CORO7: variants seen among roughly 807,000 people sequenced by gnomAD.
CORO7 encodes coronin 7.
CORO7 carries 107 observed loss-of-function variants against 126.6 expected under a neutral mutation model. The ratio of observed to expected loss-of-function variants is 0.85; its 90% CI spans 0.72 to 0.99. The LOEUF (loss-of-function observed/expected upper bound fraction) is 0.99. Ranked by LOEUF, CORO7 falls within the 50% of genes least tolerant of loss-of-function variation. The probability of loss-of-function intolerance (pLI) is 0.00; values close to 1 mark genes in which losing one functional copy is unlikely to be tolerated. For missense variants in CORO7, 1,314 were observed against 1,255.8 expected (o/e 1.05, Z -0.70); for synonymous variants, 603 against 536.8 (o/e 1.12, Z -1.70).
intron 1 of CORO7, 95 bp from the exon 2 acceptor site, chr16:4,413,499 T>A: frequency 8.5e-7 from 1 of 1,173,342 alleles, no homozygotes. Flanking sequence ...TGGGGAACTC[T>A]AGCTCACAGC....
intron 1 of CORO7, among the ~76,000 whole-genome samples, chr16:4,415,065 G>C (rs537635590): frequency 6.6e-6 from 1 of 151,934 alleles, no homozygotes; most frequent in East Asian, 1.9e-4. Flanking sequence ...GAGGGGTTTC[G>C]CAATGTTGCC....
chr16:4,387,940 C>T, intron 9 of CORO7, 46 bp downstream of exon 9: 1 of 1,607,930 alleles, frequency 6.2e-7, no homozygotes, highest in South Asian at 1.1e-5. Context: ...CCTGCGGCGC[C>T]TTGGGTCATC....
At chr16:4,408,063 G>C in intron 4 of CORO7, 118 bp downstream of exon 4, 2 of 1,453,376 alleles carry the variant, frequency 1.4e-6, no homozygotes, top group Non-Finnish European at 9.5e-7. Flanking sequence ...CAGCCCTGGG[G>C]AGTGGGGTGG....
chr16:4,388,664 A>C, intron 7 of CORO7, 33 bp from the exon 8 acceptor site: 1 of 1,596,552 alleles, frequency 6.3e-7, no homozygotes, highest in South Asian at 1.1e-5. Flanking sequence ...CTGAGCCCCC[A>C]GGGCCCTGCT....
Position 4,365,511 on chromosome 16 carries a change from G to T in CORO7, c.820C>A (p.Leu274Ile). 6.3e-7 allele frequency: 1 copy of T among 1,578,570 alleles called. No homozygotes were observed. The highest frequency in any genetic ancestry group is 8.6e-7 in the Non-Finnish European group (1 of 1,162,540). Residue 274 changes from leucine (L) to isoleucine (I), a missense_variant, in exon 10 of 28, where the codon CTC (leucine) becomes ATC (isoleucine). Coordinates refer to ENST00000251166, the MANE Select transcript of CORO7 (RefSeq NM_024535.5). ...CTCACCTTTCCTGCCAGGACCAGGA[G>T]CCCAGAGTCAGGGTCCAGCAGAGGC... Reference protein sequence around the residue: ...LVPLLDPDSGLLVLAGKGERQ... With the variant: ...LVPLLDPDSGILVLAGKGERQ...
chr16:4,392,495 T>A (rs1489835471), intron 7 of CORO7, among the ~76,000 whole-genome samples: 1 of 152,202 alleles, frequency 6.6e-6, no homozygotes, highest in African/African-American at 2.4e-5. Flanking sequence ...AGCTCACGCC[T>A]GAGGCAGGGC....
At chr16:4,373,807 CCTCAGCAG>C (rs2054618586) in intron 9 of CORO7, among the ~76,000 whole-genome samples, 1 of 152,130 alleles carries the variant, frequency 6.6e-6, no homozygotes, top group Admixed American at 6.5e-5. Flanking sequence ...GGAGCTCCCA[CCTCAGCAG>C]GCCAGACAGC....
chr16:4,407,466 C>T, intron 5 of CORO7, 35 bp downstream of exon 5: 1 of 1,553,114 alleles, frequency 6.4e-7, no homozygotes, highest in Non-Finnish European at 8.7e-7. Flanking sequence ...CAGAGTGGGG[C>T]TGCCCTGGGA....
At chr16:4,409,411 G>A (rs1200627718) in intron 3 of CORO7, among the ~76,000 whole-genome samples, 3 of 152,200 alleles carry the variant, frequency 2.0e-5, no homozygotes, top group Non-Finnish European at 4.4e-5. Context: ...TGGCACAGGC[G>A]GGCTGGCATC....
intron 9 of CORO7, among the ~76,000 whole-genome samples, chr16:4,372,577 G>A (rs1373557315): frequency 1.3e-5 from 2 of 152,184 alleles, no homozygotes; most frequent in African/African-American, 2.4e-5. Context: ...CGGGTATCAG[G>A]CAGGGTGCCG....
intron 6 of CORO7, among the ~76,000 whole-genome samples, chr16:4,399,871 ATG>A (rs2055739385): frequency 6.6e-6 from 1 of 152,186 alleles, no homozygotes; most frequent in South Asian, 2.1e-4. Flanking sequence ...ATTTTATGAT[ATG>A]TGTTTTCTTA....
chr16:4,412,684 C>A (rs995972402), intron 2 of CORO7: 3 of 518,284 alleles, frequency 5.8e-6, no homozygotes, highest in Non-Finnish European at 1.0e-5. Context: ...ACGGGTCATA[C>A]GAAAGGGGCG....
At chr16:4,382,707 G>A in intron 9 of CORO7, 1 of 1,550,436 alleles carries the variant, frequency 6.4e-7, no homozygotes, top group Non-Finnish European at 8.7e-7. Context: ...CAGCGGCTCA[G>A]GACAAAGGGC....
intron 7 of CORO7, among the ~76,000 whole-genome samples, chr16:4,393,000 C>T (rs1472733533): frequency 6.6e-6 from 1 of 152,248 alleles, no homozygotes; most frequent in Non-Finnish European, 1.5e-5. Context: ...CCTTGGATAG[C>T]AGCCACTCTA....
At chr16:4,366,779 G>A (rs1212607471) in intron 9 of CORO7, among the ~76,000 whole-genome samples, 1 of 152,118 alleles carries the variant, frequency 6.6e-6, no homozygotes, top group Non-Finnish European at 1.5e-5. Flanking sequence ...CTGGCCTCAA[G>A]TGATACTCCC....
At chr16:4,416,083 C>T (rs1346563581) in intron 1 of CORO7, 1 of 244,480 alleles carries the variant, frequency 4.1e-6, no homozygotes, top group Admixed American at 6.1e-5. Context: ...GGAGGAGGAG[C>T]CAGGCGCCGG....
At chr16:4,386,443 C>T (rs1354635951) in intron 9 of CORO7, among the ~76,000 whole-genome samples, 1 of 152,104 alleles carries the variant, frequency 6.6e-6, no homozygotes, top group African/African-American at 2.4e-5. Context: ...CAAATGCCTC[C>T]ACTGGGGGCC....
chr16:4,382,716 G>T, intron 9 of CORO7: 1 of 1,551,396 alleles, frequency 6.4e-7, no homozygotes, highest in Non-Finnish European at 8.7e-7. Flanking sequence ...AGGACAAAGG[G>T]CAGGTGGGGC....
chr16:4,402,090 C>A (rs2055831457), intron 6 of CORO7, among the ~76,000 whole-genome samples: 1 of 151,956 alleles, frequency 6.6e-6, no homozygotes, highest in South Asian at 2.1e-4. Flanking sequence ...AGGTGCATGC[C>A]AACATGCCTG....
Sources: gnomAD v4.1 joint callset for allele counts (sites outside exome capture counted in the v4.1 genomes callset) on GRCh38, gnomAD v4.1.1 for gene constraint, MANE v1.5 for transcripts, NCBI Gene and HGNC (gene_info 2026-07-23, HGNC 2026-07-21) for gene names.